The following SYNE1 variants were observed in gnomAD, a reference collection of about 807,000 sequenced individuals.
SYNE1 encodes the protein spectrin repeat containing nuclear envelope protein 1.
In SYNE1, 616 loss-of-function variants were observed where a neutral mutation model predicts 1,111.0. The observed-to-expected ratio is 0.55, with a 90% CI of 0.52 to 0.59. The LOEUF (loss-of-function observed/expected upper bound fraction) is 0.59. Ranked by LOEUF, SYNE1 falls within the 20% of genes least tolerant of loss-of-function variation. The pLI, the probability that SYNE1 is intolerant of heterozygous loss-of-function variation, is 0.00. For synonymous variants in SYNE1, 3,855 were observed against 3,825.8 expected (o/e 1.01, Z -0.28); for missense variants, 10,006 against 10,417.0 (o/e 0.96, Z 1.72).
intron 3 of SYNE1, among the ~76,000 whole-genome samples, chr6:152,577,576 T>C (rs1344949302): frequency 6.6e-6 from 1 of 152,020 alleles, no homozygotes; most frequent in Non-Finnish European, 1.5e-5. Context: ...GAGCTTGCAG[T>C]GAGCCGAGAT....
At chr6:152,398,815 T>C in intron 48 of SYNE1, 84 bp from the exon 49 acceptor site, 3 of 1,034,246 alleles carry the variant, frequency 2.9e-6, no homozygotes, top group Non-Finnish European at 4.4e-6. Context: ...GATTACCACA[T>C]GAATTATTTC....
rs1393235081 is a variant in SYNE1, at chr6:152,309,981, C to T, written c.17056G>A (p.Val5686Met). ...CTCTGGCAGAGCTGCACTGCTTGCA[C>T]CTTCGGCTTCAGTGACTCCATCTCA... is the stretch of plus-strand genomic sequence containing the variant. The part of the protein sequence containing the change: ...LSEMESLKPK[V>M]QAVQLCQSAL... The change falls in exon 90 of 146, where the codon GTG (valine) becomes ATG (methionine). Residue 5686 changes from valine to methionine, a missense_variant. Transcript: ENST00000367255. The T allele has an allele frequency of 6.2e-7, 1 of 1,614,108 alleles. No individual in the cohort carries two copies. Among genetic ancestry groups the T allele is most frequent in the East Asian group, 2.2e-5 (1 of 44,890 alleles).
chr6:152,614,385 C>T (rs1458693396), intron 3 of SYNE1, among the ~76,000 whole-genome samples: 3 of 152,168 alleles, frequency 2.0e-5, no homozygotes, highest in Non-Finnish European at 4.4e-5. Flanking sequence ...TGAAAAAATG[C>T]TCATCATCAC....
Position 152,318,108 on chromosome 6 carries a change from A to G in SYNE1, c.16545T>C (p.Ala5515=). The change falls in exon 86 of 146, where the codon GCT becomes GCC. Residue 5515 remains alanine, a synonymous_variant. Coordinates refer to ENST00000367255, the MANE Select transcript of SYNE1 (RefSeq NM_182961.4). ...GATTGAGCTTGGAGAGCCGATTCTC[A>G]GCTTGTCTAATGGTCTGCTGGTGAA... ...TELHQQTIRQ[A]ENRLSKLNQA... 1 of 1,614,196 alleles carries G rather than the reference A, an allele frequency of 6.2e-7. No homozygotes were observed. Among genetic ancestry groups the G allele is most frequent in the Non-Finnish European group, 8.5e-7 (1 of 1,180,042 alleles).
chr6:152,581,629 G>T (rs1249241388), intron 3 of SYNE1, among the ~76,000 whole-genome samples: 2 of 152,054 alleles, frequency 1.3e-5, no homozygotes, highest in Non-Finnish European at 2.9e-5. Flanking sequence ...CCTGTCCTCA[G>T]ACCTCCCTTT....
intron 88 of SYNE1, 45 bp downstream of exon 88, chr6:152,310,643 A>T: frequency 1.2e-6 from 2 of 1,609,476 alleles, no homozygotes; most frequent in Non-Finnish European, 1.7e-6. Context: ...ATTTTCTTTC[A>T]ATGATAGACA....
chr6:152,409,299 A>G, intron 43 of SYNE1, 73 bp from the exon 44 acceptor site: 1 of 1,481,150 alleles, frequency 6.8e-7, no homozygotes, highest in Non-Finnish European at 9.3e-7. Flanking sequence ...TTTGTCTCTA[A>G]GAAATTTAAT....
chr6:152,570,192 G>A (rs2099442451), intron 3 of SYNE1, among the ~76,000 whole-genome samples: 1 of 152,068 alleles, frequency 6.6e-6, no homozygotes, highest in African/African-American at 2.4e-5. Context: ...TCCATTTTCT[G>A]TTGCTCCTAT....
At chr6:152,390,158 G>T (rs2097584976) in intron 53 of SYNE1, 122 bp downstream of exon 53, 3 of 1,014,944 alleles carry the variant, frequency 3.0e-6, no homozygotes, top group African/African-American at 1.6e-5. Flanking sequence ...ACAAAGACAG[G>T]CATGCCTACA....
At chr6:152,605,577 T>C (rs145212675) in intron 3 of SYNE1, among the ~76,000 whole-genome samples, 1 of 152,286 alleles carries the variant, frequency 6.6e-6, no homozygotes, top group South Asian at 2.1e-4. Flanking sequence ...CAAGAAGAAA[T>C]GCATTAGAGC....
Position 152,511,000 on chromosome 6 carries a change from T to C in SYNE1, c.402+11A>G, listed in dbSNP as rs80276170. ...ATTGCATCAACTGAAAGAGGAACTG[T>C]AGCACAATACCTGGAAATATAGAAT... On this transcript the variant is annotated intron_variant, in intron 7 of 145. Transcript: ENST00000367255. The C allele has an allele frequency of 1.9e-3, 3,043 of 1,612,194 alleles. 59 individuals carry two copies. The African/African-American group carries it at 0.035, about 19-fold the overall frequency.
intron 115 of SYNE1, among the ~76,000 whole-genome samples, chr6:152,226,970 C>T (rs999127139): frequency 6.6e-5 from 10 of 152,120 alleles, no homozygotes; most frequent in Non-Finnish European, 1.2e-4. Flanking sequence ...GGAGAAAATT[C>T]CCAAATACTT....
In SYNE1 at chr6:152,636,802, C is replaced by G. The variant is rs537424095; in HGVS notation, c.-388G>C. 2.6e-5 allele frequency: 4 copies of G among 152,322 alleles called. No individual in the cohort carries two copies. The East Asian group carries it at 7.8e-4, about 30-fold the overall frequency. 9.4% of individuals were successfully genotyped at this position (152,322 alleles called of 1,614,324 possible). Reference sequence around the variant, plus strand: ...GTCTGCAGGACTGCGGGAGCCCAGCCGCCCTGGTGACAGAGGACAACAATC... The same window carrying G: ...GTCTGCAGGACTGCGGGAGCCCAGCGGCCCTGGTGACAGAGGACAACAATC... On this transcript the variant is annotated 5_prime_UTR_variant, in exon 2 of 146. Coordinates refer to ENST00000367255, the MANE Select transcript of SYNE1 (RefSeq NM_182961.4).
intron 67 of SYNE1, among the ~76,000 whole-genome samples, chr6:152,354,027 C>T (rs1337110256): frequency 6.6e-6 from 1 of 152,144 alleles, no homozygotes; most frequent in Non-Finnish European, 1.5e-5. Context: ...GTAGTCCCAG[C>T]TGCTTGGGAG....
At chr6:152,592,436 C>G (rs1434849958) in intron 3 of SYNE1, among the ~76,000 whole-genome samples, 1 of 152,132 alleles carries the variant, frequency 6.6e-6, no homozygotes, top group Non-Finnish European at 1.5e-5. Flanking sequence ...AGCTGGAGGC[C>G]ATAATCCCTA....
Position 152,377,624 on chromosome 6 carries a change from AAAAAAAAAAAAAAAAAATATATAT to A in SYNE1, c.9010-736_9010-713del, listed in dbSNP as rs1183016130. Among the ~76,000 whole-genome samples the A allele has an allele frequency of 8.7e-3, 923 of 105,834 alleles. 15 individuals carry two copies. Among genetic ancestry groups the A allele is most frequent in the African/African-American group, 0.038 (876 of 23,032 alleles). 69.4% of individuals were successfully genotyped at this position (105,834 alleles called of 152,430 possible). A position where few individuals can be genotyped will look rare whatever the true frequency, so the allele number is the denominator to read the frequency against. On this transcript the variant is annotated intron_variant, in intron 56 of 145. Coordinates refer to ENST00000367255, the MANE Select transcript of SYNE1 (RefSeq NM_182961.4). ...ACTCCGTCTTAAAAAAAAAAAAAAA[AAAAAAAAAAAAAAAAAATATATAT>A]ATATATATATATATATATATATATC...
chr6:152,442,032 T>C, intron 31 of SYNE1, 43 bp downstream of exon 31: 1 of 1,612,144 alleles, frequency 6.2e-7, no homozygotes. Flanking sequence ...AAGTGAACAC[T>C]GCCCAGCCTC....
At chr6:152,611,292 T>C in intron 3 of SYNE1, among the ~76,000 whole-genome samples, 2 of 147,800 alleles carry the variant, frequency 1.4e-5, no homozygotes, top group Non-Finnish European at 3.0e-5. Flanking sequence ...AATAAAGGGA[T>C]GGAGGAAGAT....
intron 138 of SYNE1, 33 bp from the exon 139 acceptor site, chr6:152,141,362 C>T (rs1324901210): frequency 6.2e-7 from 1 of 1,612,672 alleles, no homozygotes. Flanking sequence ...CCCCTGTCAC[C>T]CAAATCTTCA....
Sources: allele counts gnomAD v4.1 joint callset (sites outside exome capture counted in the v4.1 genomes callset), GRCh38; gene constraint gnomAD v4.1.1; transcripts MANE v1.5; gene names NCBI Gene and HGNC (gene_info 2026-07-23, HGNC 2026-07-21).